MGMT: variants seen among roughly 807,000 people sequenced by gnomAD.
MGMT encodes O-6-methylguanine-DNA methyltransferase, also known as methylated-DNA--protein-cysteine methyltransferase.
MGMT carries 14 observed loss-of-function variants against 15.9 expected under a neutral mutation model. That is an observed-to-expected ratio of 0.88 (90% CI 0.58 to 1.37). The LOEUF is 1.37. Among genes scored for constraint, MGMT ranks in the 40% most tolerant of loss-of-function variants. The pLI is 0.00. For synonymous variants in MGMT, 130 were observed against 118.2 expected, an observed-to-expected ratio of 1.10 and a Z score of -0.65; for missense variants, 282 against 268.1, an observed-to-expected ratio of 1.05 and a Z score of -0.36.
intron 1 of MGMT, among the ~76,000 whole-genome samples, chr10:129,507,410 C>T (rs943763216): frequency 6.6e-6 from 1 of 152,206 alleles, no homozygotes; most frequent in Non-Finnish European, 1.5e-5. Flanking sequence ...GCGGGCCGCC[C>T]TGTGCACAGC....
intron 2 of MGMT, among the ~76,000 whole-genome samples, chr10:129,628,685 C>T (rs1239719614): frequency 1.3e-5 from 2 of 152,190 alleles, no homozygotes; most frequent in Non-Finnish European, 2.9e-5. Flanking sequence ...TGGGCTCAAA[C>T]GCATCTGTAA....
At chr10:129,742,233 G>A (rs1362726034) in intron 3 of MGMT, among the ~76,000 whole-genome samples, 1 of 152,170 alleles carries the variant, frequency 6.6e-6, no homozygotes, top group African/African-American at 2.4e-5. Flanking sequence ...TGTGGGAGGA[G>A]CCAGAAACTC....
At position 129,616,936 on chromosome 10, in the gene MGMT, G is replaced by A. The variant is rs183918951; in HGVS notation, c.125+80559G>A. The stretch of plus-strand genomic sequence containing the variant: ...CTCTGAGCTTCTGCCCCTTTATTGA[G>A]CAAATTCATAAAGTCAACCATGCTC... On this transcript the variant is annotated intron_variant, in intron 2 of 4. Transcript: ENST00000651593. 3.9e-4 allele frequency among the ~76,000 whole-genome samples: 60 copies of A among 152,214 alleles called. No homozygotes were observed. The East Asian group carries it at 7.6e-3, about 19-fold the overall frequency.
At chr10:129,482,277 G>A (rs1207403272) in intron 1 of MGMT, among the ~76,000 whole-genome samples, 1 of 152,118 alleles carries the variant, frequency 6.6e-6, no homozygotes, top group African/African-American at 2.4e-5. Flanking sequence ...CTTGTAATCA[G>A]AGGACATACC....
intron 2 of MGMT, among the ~76,000 whole-genome samples, chr10:129,561,921 C>G (rs1846283628): frequency 6.6e-6 from 1 of 152,136 alleles, no homozygotes; most frequent in Non-Finnish European, 1.5e-5. Context: ...GTCGTTGACT[C>G]CAGAGTCATT....
chr10:129,693,193 G>C (rs1847989145), intron 2 of MGMT, among the ~76,000 whole-genome samples: 1 of 152,222 alleles, frequency 6.6e-6, no homozygotes, highest in African/African-American at 2.4e-5. Flanking sequence ...AATACAAACA[G>C]GTGGAGGATT....
At chr10:129,477,196 A>G (rs910825584) in intron 1 of MGMT, among the ~76,000 whole-genome samples, 6 of 151,836 alleles carry the variant, frequency 4.0e-5, no homozygotes, top group African/African-American at 9.7e-5. Flanking sequence ...CTCTCTCTCA[A>G]TCTTCCCCAC....
chr10:129,471,317 G>A (rs1370994154), intron 1 of MGMT, among the ~76,000 whole-genome samples: 1 of 152,232 alleles, frequency 6.6e-6, no homozygotes, highest in Non-Finnish European at 1.5e-5. Flanking sequence ...AGATATTTAG[G>A]TGGGTGAAGA....
At chr10:129,648,220 G>T (rs537189698) in intron 2 of MGMT, among the ~76,000 whole-genome samples, 2 of 151,862 alleles carry the variant, frequency 1.3e-5, no homozygotes, top group Admixed American at 1.3e-4. Context: ...CTTGCACCGC[G>T]AACTCCAGTC....
At position 129,769,533 on chromosome 10, in the gene MGMT, T is replaced by C. The variant is rs7902728; in HGVS notation, c.*2536T>C. The C allele has an allele frequency of 0.65, 99,121 of 151,672 alleles. 33,423 individuals are homozygous for C. Among genetic ancestry groups the C allele is most frequent in the African/African-American group, 0.82 (34,105 of 41,388 alleles). The allele number at this position is 151,672 out of a possible 1,614,324, so 9.4% of individuals were successfully genotyped here. A position where few individuals can be genotyped will look rare whatever the true frequency, so the allele number is the denominator to read the frequency against. On this transcript the variant is annotated 3_prime_UTR_variant, in exon 5 of 5. Transcript: ENST00000651593. Reference sequence around the variant, plus strand: ...TGAAGGCCGACACCGAGACCCGCCGTGCACGACAGCCACCTCGCAGCCACT... The same window carrying C: ...TGAAGGCCGACACCGAGACCCGCCGCGCACGACAGCCACCTCGCAGCCACT...
intron 2 of MGMT, among the ~76,000 whole-genome samples, chr10:129,703,472 C>G (rs1327010459): frequency 6.6e-6 from 1 of 152,272 alleles, no homozygotes; most frequent in African/African-American, 2.4e-5. Flanking sequence ...AGAATGCCCC[C>G]TCTCCCACAG....
chr10:129,500,399 A>G lies in MGMT; in HGVS notation c.-13+33103A>G, dbSNP rs575574866. Among the ~76,000 whole-genome samples the G allele has an allele frequency of 2.0e-5, 3 of 152,264 alleles. No individual in the cohort carries two copies. The South Asian group carries it at 6.2e-4, about 32-fold the overall frequency. ...CAGGGCTCTGGGGATTGGAATCTCC[A>G]CGCTTGACTTTAGGCTTCTACTGCT... On this transcript the variant is annotated intron_variant, in intron 1 of 4. Coordinates refer to ENST00000651593, the MANE Select transcript of MGMT (RefSeq NM_002412.5).
chr10:129,498,824 C>CTT (rs1344053803), intron 1 of MGMT, among the ~76,000 whole-genome samples: 1 of 152,198 alleles, frequency 6.6e-6, no homozygotes, highest in Non-Finnish European at 1.5e-5. Flanking sequence ...GATCTGGGTG[C>CTT]TGAGTGTGCT....
At chr10:129,652,108 G>T (rs1046412889) in intron 2 of MGMT, among the ~76,000 whole-genome samples, 11 of 152,180 alleles carry the variant, frequency 7.2e-5, no homozygotes, top group Non-Finnish European at 1.3e-4. Context: ...ATGTGGAGGG[G>T]CTTGTGTGAA....
intron 2 of MGMT, among the ~76,000 whole-genome samples, chr10:129,561,725 T>C (rs1185723567): frequency 6.6e-6 from 1 of 152,214 alleles, no homozygotes; most frequent in Non-Finnish European, 1.5e-5. Context: ...TCTGCAGTGT[T>C]ACCATTCTCT....
At chr10:129,636,751 T>G (rs552984065) in intron 2 of MGMT, among the ~76,000 whole-genome samples, 75 of 152,354 alleles carry the variant, frequency 4.9e-4, no homozygotes, top group Non-Finnish European at 9.7e-4. Context: ...TTTTCATATT[T>G]GCATTTATGA....
At chr10:129,604,641 C>T (rs1846865609) in intron 2 of MGMT, among the ~76,000 whole-genome samples, 1 of 151,856 alleles carries the variant, frequency 6.6e-6, no homozygotes, top group Non-Finnish European at 1.5e-5. Context: ...AGGAGTGGCT[C>T]CCTGTGGCTC....
At chr10:129,555,955 G>A (rs765686358) in intron 2 of MGMT, among the ~76,000 whole-genome samples, 2 of 152,150 alleles carry the variant, frequency 1.3e-5, no homozygotes, top group Non-Finnish European at 2.9e-5. Context: ...AGAACTGAGC[G>A]CTGGCTGGAC....
At chr10:129,574,131 G>C (rs961809826) in intron 2 of MGMT, among the ~76,000 whole-genome samples, 24 of 152,234 alleles carry the variant, frequency 1.6e-4, no homozygotes, top group Admixed American at 1.4e-3. Flanking sequence ...CGCAGTTACT[G>C]TCTCCCTTTG....
Sources: allele counts gnomAD v4.1 joint callset (sites outside exome capture counted in the v4.1 genomes callset), GRCh38; gene constraint gnomAD v4.1.1; transcripts MANE v1.5; gene names NCBI Gene and HGNC (gene_info 2026-07-23, HGNC 2026-07-21).